Variants in TCF25 observed in about 807,000 individuals in gnomAD.
The protein encoded by TCF25 is ribosome quality control complex subunit TCF25.
In TCF25, 41 loss-of-function variants were observed where a neutral mutation model predicts 83.1. The observed-to-expected ratio is 0.49, with a 90% confidence interval of 0.38 to 0.64. TCF25 has a LOEUF of 0.64. Among genes scored for constraint, TCF25 ranks in the 30% least tolerant of loss-of-function variants. The pLI is 0.00. For missense variants in TCF25, 979 were observed against 914.5 expected (o/e 1.07, Z -0.91); for synonymous variants, 458 against 365.0 (o/e 1.25, Z -2.90).
Position 89,893,793 on chromosome 16 carries a change from G to A in TCF25, c.763G>A (p.Glu255Lys), listed in dbSNP as rs1232857068. 1 of 1,613,284 alleles carries A rather than the reference G, an allele frequency of 6.2e-7. No individual in the cohort carries two copies. The highest frequency in any genetic ancestry group is 8.5e-7 in the Non-Finnish European group (1 of 1,179,690). Reference protein sequence around the residue: ...LSFFAFEHSEEYQQAQHKFLV... With the variant: ...LSFFAFEHSEKYQQAQHKFLV... ...CTTCTTTGCGTTTGAGCACAGTGAGGAGTACCAGCAGGCTCAGCACAAGTT... is the reference window on the plus strand; with the variant it reads ...CTTCTTTGCGTTTGAGCACAGTGAGAAGTACCAGCAGGCTCAGCACAAGTT... Residue 255 changes from glutamate to lysine, a missense_variant, in exon 7 of 18, where the codon GAG (glutamate) becomes AAG (lysine). Glu to Lys is a moderately conservative substitution (Grantham distance 56, BLOSUM62 1). Coordinates refer to ENST00000263346, the MANE Select transcript of TCF25 (RefSeq NM_014972.3).
Position 89,903,013 on chromosome 16 carries a change from C to G in TCF25, c.1382-1105C>G, listed in dbSNP as rs561417008. On this transcript the variant is annotated intron_variant, in intron 12 of 17. Transcript: ENST00000263346. Reference sequence around the variant, plus strand: ...CAGGCCTCAGTCTGCTCGCTGACCCCAAAAGTTTCGTCCCCTGTGTCTAAG... The same window carrying G: ...CAGGCCTCAGTCTGCTCGCTGACCCGAAAAGTTTCGTCCCCTGTGTCTAAG... Among the ~76,000 whole-genome samples, 4 of 152,318 alleles carry G rather than the reference C, an allele frequency of 2.6e-5. No homozygotes were observed. In the East Asian group the frequency reaches 5.8e-4, roughly 22 times the overall value.
chr16:89,883,604 G>T, intron 2 of TCF25, 92 bp downstream of exon 2: 2 of 1,426,610 alleles, frequency 1.4e-6, no homozygotes, highest in South Asian at 1.4e-5. Context: ...TTCCTTGGAG[G>T]TGTAATTTTC....
intron 1 of TCF25, among the ~76,000 whole-genome samples, chr16:89,880,240 T>G (rs1190880779): frequency 6.6e-6 from 1 of 152,150 alleles, no homozygotes; most frequent in East Asian, 1.9e-4. Context: ...GTCAAACACC[T>G]CAAAATAAGA....
intron 11 of TCF25, 44 bp from the exon 12 acceptor site, chr16:89,900,591 T>C (rs773417983): frequency 6.5e-7 from 1 of 1,531,096 alleles, no homozygotes; most frequent in Non-Finnish European, 8.9e-7. Flanking sequence ...ATATTTTGTC[T>C]TTATGACTTA....
intron 7 of TCF25, 128 bp downstream of exon 7, chr16:89,893,986 G>C: frequency 7.2e-7 from 1 of 1,391,790 alleles, no homozygotes; most frequent in Non-Finnish European, 9.7e-7. Flanking sequence ...AAGGGTGCCA[G>C]TCTCTGCAGG....
chr16:89,895,903 C>T (rs559948433), intron 8 of TCF25, 87 bp from the exon 9 acceptor site: 1 of 1,270,116 alleles, frequency 7.9e-7, no homozygotes, highest in South Asian at 1.3e-5. Flanking sequence ...TCCGTCCAGA[C>T]CTTTCCTTGT....
At chr16:89,907,123 T>C in intron 15 of TCF25, 120 bp from the exon 16 acceptor site, 1 of 990,208 alleles carries the variant, frequency 1.0e-6, no homozygotes, top group South Asian at 1.4e-5. Flanking sequence ...TCAGACTCTG[T>C]GGCTATCTCT....
chr16:89,885,557 C>T (rs1307910548), intron 3 of TCF25, among the ~76,000 whole-genome samples: 1 of 152,202 alleles, frequency 6.6e-6, no homozygotes, highest in African/African-American at 2.4e-5. Flanking sequence ...GTTGGAGCCA[C>T]AAGTCCCAAC....
At chr16:89,890,562 A>G (rs1245979093) in intron 5 of TCF25, 2 of 152,010 alleles carry the variant, frequency 1.3e-5, no homozygotes, top group Non-Finnish European at 2.9e-5. Flanking sequence ...TTTGCTTTAT[A>G]TTTTACTTTA....
intron 1 of TCF25, among the ~76,000 whole-genome samples, chr16:89,879,245 G>C (rs372631757): frequency 6.6e-6 from 1 of 150,746 alleles, no homozygotes; most frequent in African/African-American, 2.4e-5. Flanking sequence ...TGTTGTCCGT[G>C]TGCACAGATG....
At chr16:89,904,845 AC>A in intron 13 of TCF25, 92 bp from the exon 14 acceptor site, 6 of 1,466,274 alleles carry the variant, frequency 4.1e-6, no homozygotes, top group Non-Finnish European at 3.7e-6. Flanking sequence ...CACTCCCTGG[AC>A]CCCCCGTCTG....
At chr16:89,875,592 G>T (rs1188400522) in intron 1 of TCF25, among the ~76,000 whole-genome samples, 2 of 140,088 alleles carry the variant, frequency 1.4e-5, no homozygotes, top group Non-Finnish European at 3.0e-5. Context: ...GCATGATCTC[G>T]GCTCACTGCA....
At chr16:89,885,464 C>G (rs866182629) in intron 3 of TCF25, among the ~76,000 whole-genome samples, 1 of 152,138 alleles carries the variant, frequency 6.6e-6, no homozygotes, top group African/African-American at 2.4e-5. Context: ...AGTCTGTCAT[C>G]AGAAAAAAAT....
In TCF25 at chr16:89,893,805, G is replaced by T. The variant is rs1484291705; in HGVS notation, c.775G>T (p.Ala259Ser). 1 of 1,612,718 alleles carries T rather than the reference G, an allele frequency of 6.2e-7. No individual in the cohort carries two copies. Among genetic ancestry groups the T allele is most frequent in the Non-Finnish European group, 8.5e-7 (1 of 1,179,470 alleles). The change falls in exon 7 of 18, where the codon GCT (alanine) becomes TCT (serine). Residue 259 changes from alanine (A) to serine (S), a missense_variant. Physicochemically the swap from Ala to Ser is moderately conservative, Grantham distance 99. Coordinates refer to ENST00000263346, the MANE Select transcript of TCF25 (RefSeq NM_014972.3). ...AFEHSEEYQQAQHKFLVAVES... is the reference protein window; with the variant it reads ...AFEHSEEYQQSQHKFLVAVES... ...TGAGCACAGTGAGGAGTACCAGCAGGCTCAGCACAAGTTCCTGGTGGCCGT... is the reference window on the plus strand; with the variant it reads ...TGAGCACAGTGAGGAGTACCAGCAGTCTCAGCACAAGTTCCTGGTGGCCGT...
At chr16:89,904,015 G>A (rs889190633) in intron 12 of TCF25, 103 bp from the exon 13 acceptor site, 3 of 1,164,946 alleles carry the variant, frequency 2.6e-6, no homozygotes, top group Non-Finnish European at 3.7e-6. Context: ...TAGAACAGCT[G>A]TGTCTGTGAC....
intron 16 of TCF25, among the ~76,000 whole-genome samples, chr16:89,908,556 G>T (rs2045215925): frequency 1.1e-5 from 1 of 93,538 alleles, no homozygotes; most frequent in Non-Finnish European, 2.1e-5. Context: ...CCACCTTCCA[G>T]TTCCCACCTC....
At chr16:89,880,499 A>C (rs1247207286) in intron 1 of TCF25, among the ~76,000 whole-genome samples, 2 of 151,844 alleles carry the variant, frequency 1.3e-5, no homozygotes, top group African/African-American at 4.8e-5. Flanking sequence ...CAGGAGAATC[A>C]CTTGAATCCG....
Position 89,893,743 on chromosome 16 carries a change from T to C in TCF25, c.713T>C (p.Leu238Pro). The C allele has an allele frequency of 6.2e-7, 1 of 1,613,928 alleles. No individual in the cohort carries two copies. Among genetic ancestry groups the C allele is most frequent in the Non-Finnish European group, 8.5e-7 (1 of 1,179,976 alleles). Residue 238 changes from leucine to proline, a missense_variant, in exon 7 of 18, where the codon CTG becomes CCG. By Grantham distance (98) the Leu-to-Pro change is moderately conservative. Transcript: ENST00000263346. Reference protein sequence around the residue: ...RYSKPGLSMRLLESKKGLSFF... With the variant: ...RYSKPGLSMRPLESKKGLSFF... ...CCCCTCCCAGGTCTGTCCATGCGGC[T>C]GCTGGAATCAAAAAAAGGCCTCTCC... is the stretch of plus-strand genomic sequence containing the variant.
In TCF25 at chr16:89,892,275, G is replaced by A. The variant is rs2043489142; in HGVS notation, c.697G>A (p.Gly233Ser). The change falls in exon 6 of 18, where the codon GGT becomes AGT. Residue 233 changes from glycine (G) to serine (S), a missense_variant and splice_region_variant. Transcript: ENST00000263346. ...KSTWPRYSKP[G>S]LSMRLLESKK... is the part of the protein sequence containing the mutation. ...CACCTGGCCCCGCTACAGCAAACCA[G>A]GTGAGGGTCTGCAGATGCTGCTGGG... is the stretch of plus-strand genomic sequence containing the variant. 1 of 1,610,998 alleles carries A rather than the reference G, an allele frequency of 6.2e-7. No homozygotes were observed. Among genetic ancestry groups the A allele is most frequent in the Non-Finnish European group, 8.5e-7 (1 of 1,178,948 alleles).
Sources: allele counts gnomAD v4.1 joint callset (sites outside exome capture counted in the v4.1 genomes callset), GRCh38; gene constraint gnomAD v4.1.1; transcripts MANE v1.5; gene names NCBI Gene and HGNC (gene_info 2026-07-23, HGNC 2026-07-21).